The following PTPRT variants were observed in gnomAD, a reference collection of about 807,000 sequenced individuals.
The protein encoded by PTPRT is receptor-type tyrosine-protein phosphatase T.
In PTPRT, 56 loss-of-function variants were observed where a neutral mutation model predicts 176.8. The ratio of observed to expected loss-of-function variants is 0.32; its 90% CI spans 0.26 to 0.40. The LOEUF is 0.40. Among genes scored for constraint, PTPRT ranks in the 10% least tolerant of loss-of-function variants. The probability of loss-of-function intolerance (pLI) is 1.00; values close to 1 mark genes in which losing one functional copy is unlikely to be tolerated. For missense variants in PTPRT, 1,540 were observed against 1,908.2 expected, an observed-to-expected ratio of 0.81 and a Z score of 3.60; for synonymous variants, 783 against 739.0, an observed-to-expected ratio of 1.06 and a Z score of -0.96.
intron 7 of PTPRT, among the ~76,000 whole-genome samples, chr20:42,655,090 A>G (rs1270259260): frequency 6.6e-6 from 1 of 152,178 alleles, no homozygotes; most frequent in African/African-American, 2.4e-5. Context: ...GTCCATTTCA[A>G]TGGACCAAAA....
chr20:42,820,210 CA>C lies in PTPRT; in HGVS notation c.215-28745del, dbSNP rs2077867009. Among the ~76,000 whole-genome samples, 5 of 152,204 alleles carry C rather than the reference CA, an allele frequency of 3.3e-5. No homozygotes were observed. The South Asian group carries it at 1.0e-3, about 32-fold the overall frequency. On this transcript the variant is annotated intron_variant, in intron 2 of 30. Transcript: ENST00000373187. The stretch of plus-strand genomic sequence containing the variant: ...AAATGCAAAAGAACTAAAATGATAA[CA>C]AACAGTCTCTCAGACCACAGGGCAA...
chr20:43,036,960 G>A (rs1986405934), intron 1 of PTPRT, among the ~76,000 whole-genome samples: 1 of 152,178 alleles, frequency 6.6e-6, no homozygotes, highest in Non-Finnish European at 1.5e-5. Flanking sequence ...TAAGTGATAG[G>A]ATTGATTCAT....
At chr20:42,654,319 G>A (rs1001768568) in intron 7 of PTPRT, among the ~76,000 whole-genome samples, 1 of 152,056 alleles carries the variant, frequency 6.6e-6, no homozygotes, top group Admixed American at 6.6e-5. Flanking sequence ...TGCATTCAAG[G>A]ATGAAGAAAA....
chr20:42,379,777 G>A (rs114189660), intron 9 of PTPRT, among the ~76,000 whole-genome samples: 1 of 152,346 alleles, frequency 6.6e-6, no homozygotes, highest in African/African-American at 2.4e-5. Flanking sequence ...GAATCAGTGT[G>A]CAGAACTCAA....
intron 12 of PTPRT, among the ~76,000 whole-genome samples, chr20:42,306,631 C>T (rs749671257): frequency 3.9e-5 from 6 of 152,132 alleles, no homozygotes; most frequent in African/African-American, 7.2e-5. Flanking sequence ...AGTCAGCAAA[C>T]GGTTACGTGG....
At chr20:42,872,660 T>C (rs2078865442) in intron 2 of PTPRT, among the ~76,000 whole-genome samples, 1 of 152,188 alleles carries the variant, frequency 6.6e-6, no homozygotes, top group Non-Finnish European at 1.5e-5. Flanking sequence ...ATTCATAAAT[T>C]ACAAGTCAAA....
chr20:42,058,159 A>G, the PTPRT span, among the ~76,000 whole-genome samples: 1 of 152,206 alleles, frequency 6.6e-6, no homozygotes, highest in Non-Finnish European at 1.5e-5. Flanking sequence ...GAGATGACCA[A>G]TGAGAGCACT....
intron 6 of PTPRT, among the ~76,000 whole-genome samples, chr20:42,688,776 G>C (rs2075743229): frequency 1.3e-5 from 2 of 152,216 alleles, no homozygotes; most frequent in South Asian, 2.1e-4. Context: ...TCAGCACCCT[G>C]GTCAGCGACA....
chr20:42,220,837 A>G (rs1417837798), intron 15 of PTPRT, among the ~76,000 whole-genome samples: 1 of 152,224 alleles, frequency 6.6e-6, no homozygotes, highest in Non-Finnish European at 1.5e-5. Context: ...TTAAAAAACA[A>G]TGAACGTGAC....
chr20:42,178,214 G>A (rs1990373716), intron 16 of PTPRT, among the ~76,000 whole-genome samples: 1 of 152,180 alleles, frequency 6.6e-6, no homozygotes, highest in Non-Finnish European at 1.5e-5. Context: ...GGGATTACAA[G>A]CGAGAGCCAC....
At chr20:42,937,268 G>T (rs1980245431) in intron 1 of PTPRT, among the ~76,000 whole-genome samples, 3 of 152,182 alleles carry the variant, frequency 2.0e-5, no homozygotes, top group African/African-American at 7.2e-5. Context: ...GCATACACAG[G>T]CACTGGGTGT....
intron 1 of PTPRT, among the ~76,000 whole-genome samples, chr20:42,992,343 A>T (rs957352628): frequency 5.3e-5 from 8 of 152,228 alleles, no homozygotes; most frequent in African/African-American, 1.9e-4. Context: ...GTCAATGCAC[A>T]TCCATGTTGC....
intron 5 of PTPRT, among the ~76,000 whole-genome samples, chr20:42,761,173 G>A (rs1451971969): frequency 1.3e-5 from 2 of 152,120 alleles, no homozygotes; most frequent in Non-Finnish European, 2.9e-5. Flanking sequence ...GGTGGCTGAC[G>A]CCTGTAATCC....
At chr20:43,007,056 A>G (rs565340351) in intron 1 of PTPRT, among the ~76,000 whole-genome samples, 1 of 152,364 alleles carries the variant, frequency 6.6e-6, no homozygotes, top group East Asian at 1.9e-4. Context: ...AATTAGAACA[A>G]TCTAAAATCA....
chr20:43,120,955 A>T (rs888671661), intron 1 of PTPRT, among the ~76,000 whole-genome samples: 2 of 152,228 alleles, frequency 1.3e-5, no homozygotes, highest in Non-Finnish European at 2.9e-5. Context: ...AGCCAGGTCA[A>T]GAAATAACAT....
At chr20:42,942,072 G>A (rs1271013672) in intron 1 of PTPRT, among the ~76,000 whole-genome samples, 1 of 152,134 alleles carries the variant, frequency 6.6e-6, no homozygotes. Context: ...AGAATACTCA[G>A]GCTGCAGAAA....
chr20:42,309,337 C>G (rs573259339), intron 12 of PTPRT, among the ~76,000 whole-genome samples: 24 of 152,210 alleles, frequency 1.6e-4, no homozygotes, highest in African/African-American at 5.5e-4. Context: ...GTGAAACAAA[C>G]AATGCGAAAC....
At chr20:43,163,083 G>A (rs568770376) in intron 1 of PTPRT, among the ~76,000 whole-genome samples, 15 of 152,202 alleles carry the variant, frequency 9.9e-5, no homozygotes, top group East Asian at 1.9e-4. Context: ...GGAAGAGAGC[G>A]GAGATAGCTG....
chr20:42,895,523 TACTC>T (rs370057789), intron 1 of PTPRT, among the ~76,000 whole-genome samples: 65 of 152,236 alleles, frequency 4.3e-4, no homozygotes, highest in African/African-American at 1.4e-3. Flanking sequence ...GAGTGGGAAG[TACTC>T]AGGATGTGTA....
Sources: allele counts gnomAD v4.1 joint callset (sites outside exome capture counted in the v4.1 genomes callset), GRCh38; gene constraint gnomAD v4.1.1; transcripts MANE v1.5; gene names NCBI Gene and HGNC (gene_info 2026-07-23, HGNC 2026-07-21).